Variants in MINDY2 observed in about 807,000 individuals in gnomAD.
MINDY2 encodes the protein ubiquitin carboxyl-terminal hydrolase MINDY-2.
A neutral mutation model predicts 68.2 loss-of-function variants in MINDY2; 52 were observed. The observed-to-expected ratio is 0.76, with a 90% CI of 0.61 to 0.96. MINDY2 has a LOEUF of 0.96. Among genes scored for constraint, MINDY2 ranks in the 40% least tolerant of loss-of-function variants. The pLI is 0.00. For synonymous variants in MINDY2, 372 were observed against 303.0 expected, an observed-to-expected ratio of 1.23 and a Z score of -2.36; for missense variants, 881 against 773.4, an observed-to-expected ratio of 1.14 and a Z score of -1.65.
chr15:58,833,574 C>G (rs568921515), intron 6 of MINDY2, among the ~76,000 whole-genome samples: 54 of 152,270 alleles, frequency 3.5e-4, no homozygotes, highest in Non-Finnish European at 2.9e-5. Flanking sequence ...CAGAGAAGGT[C>G]AGAAGGTAAA....
intron 4 of MINDY2, among the ~76,000 whole-genome samples, chr15:58,813,700 G>A (rs1845941904): frequency 1.3e-5 from 2 of 151,544 alleles, no homozygotes; most frequent in Non-Finnish European, 2.9e-5. Context: ...AGCCTCCCAA[G>A]TAGCTGGGAC....
chr15:58,814,055 G>A (rs1168007467), intron 4 of MINDY2, among the ~76,000 whole-genome samples: 3 of 147,916 alleles, frequency 2.0e-5, no homozygotes, highest in African/African-American at 7.5e-5. Context: ...CTCCTGCCTC[G>A]ACCTCCCGAG....
chr15:58,820,473 T>C (rs1350267269), intron 4 of MINDY2, among the ~76,000 whole-genome samples: 2 of 152,110 alleles, frequency 1.3e-5, no homozygotes, highest in African/African-American at 4.8e-5. Context: ...TTAAGATATT[T>C]ATGCCTGTAA....
At chr15:58,844,657 C>T (rs1306992637) in intron 6 of MINDY2, among the ~76,000 whole-genome samples, 1 of 151,220 alleles carries the variant, frequency 6.6e-6, no homozygotes. Flanking sequence ...GTGGCTCATA[C>T]CTGTAATCCC....
At chr15:58,811,371 T>G (rs2030233495) in intron 4 of MINDY2, among the ~76,000 whole-genome samples, 1 of 152,242 alleles carries the variant, frequency 6.6e-6, no homozygotes. Context: ...ATCAGGGTCC[T>G]GGCAGGAAGT....
At chr15:58,777,692 A>T (rs908696437) in intron 1 of MINDY2, among the ~76,000 whole-genome samples, 8 of 152,182 alleles carry the variant, frequency 5.3e-5, no homozygotes, top group African/African-American at 1.9e-4. Context: ...ACATCAAGAA[A>T]GACATCTATT....
Position 58,856,622 on chromosome 15 carries a change from G to C in MINDY2, c.*2012G>C, listed in dbSNP as rs11629758. ...TATGTATACGTTAGTAAAATAACCA[G>C]ATATACTACAGAACTCTCTATTGGC... is the stretch of plus-strand genomic sequence containing the variant. On this transcript the variant is annotated 3_prime_UTR_variant, in exon 9 of 9. Transcript: ENST00000559228. The C allele has an allele frequency of 2.0e-5, 3 of 152,122 alleles. No individual in the cohort carries two copies. The highest frequency in any genetic ancestry group is 2.9e-5 in the Non-Finnish European group (2 of 68,022). The allele number at this position is 152,122 out of a possible 1,614,324, so 9.4% of individuals were successfully genotyped here.
chr15:58,813,304 G>A (rs1198677344), intron 4 of MINDY2, among the ~76,000 whole-genome samples: 1 of 152,166 alleles, frequency 6.6e-6, no homozygotes, highest in Non-Finnish European at 1.5e-5. Flanking sequence ...AGACCAGCCT[G>A]GCCAACATGG....
At chr15:58,796,703 C>T (rs993745186) in intron 2 of MINDY2, among the ~76,000 whole-genome samples, 119 of 152,138 alleles carry the variant, frequency 7.8e-4, no homozygotes, top group African/African-American at 2.7e-3. Context: ...TTGTATTTTT[C>T]GTAGAGATGG....
chr15:58,800,569 T>C (rs570131446), intron 2 of MINDY2, among the ~76,000 whole-genome samples: 1 of 152,188 alleles, frequency 6.6e-6, no homozygotes, highest in African/African-American at 2.4e-5. Flanking sequence ...TGATCTTTCT[T>C]ATATGTGCTT....
intron 3 of MINDY2, among the ~76,000 whole-genome samples, chr15:58,808,771 A>G (rs566485122): frequency 1.0e-3 from 156 of 151,798 alleles, no homozygotes; most frequent in Non-Finnish European, 2.0e-3. Context: ...TGCCCGACTA[A>G]TTTTTTGTAT....
At chr15:58,806,422 A>G (rs1351072705) in intron 3 of MINDY2, among the ~76,000 whole-genome samples, 3 of 140,248 alleles carry the variant, frequency 2.1e-5, no homozygotes, top group South Asian at 2.2e-4. Context: ...CCGTGGTGCT[A>G]TCGTGGCTCA....
At chr15:58,806,001 G>A (rs1176724333) in intron 3 of MINDY2, among the ~76,000 whole-genome samples, 2 of 152,214 alleles carry the variant, frequency 1.3e-5, no homozygotes, top group Non-Finnish European at 2.9e-5. Flanking sequence ...TTGAACCCAG[G>A]AGGTGGAGGT....
chr15:58,814,139 C>T (rs1196054484), intron 4 of MINDY2, among the ~76,000 whole-genome samples: 1 of 151,828 alleles, frequency 6.6e-6, no homozygotes, highest in Non-Finnish European at 1.5e-5. Flanking sequence ...AGGGTTTCAC[C>T]ATGTTAATCA....
At chr15:58,821,988 G>A (rs993661390) in intron 5 of MINDY2, among the ~76,000 whole-genome samples, 169 bp downstream of exon 5, 1 of 152,042 alleles carries the variant, frequency 6.6e-6, no homozygotes, top group Non-Finnish European at 1.5e-5. Context: ...AGTGGCTCCC[G>A]CCTGTAATCC....
chr15:58,831,514 A>G (rs913126068), intron 5 of MINDY2, among the ~76,000 whole-genome samples: 1 of 151,878 alleles, frequency 6.6e-6, no homozygotes. Flanking sequence ...CCTTTGTAAT[A>G]GTAGGTGAAG....
chr15:58,795,131 G>A (rs1417566133), intron 2 of MINDY2, among the ~76,000 whole-genome samples: 1 of 151,698 alleles, frequency 6.6e-6, no homozygotes, highest in Non-Finnish European at 1.5e-5. Flanking sequence ...TACCGAGATC[G>A]CGCTACTGCA....
chr15:58,780,750 C>CTAAGGTGAA (rs759737011), intron 1 of MINDY2, among the ~76,000 whole-genome samples: 21 of 152,238 alleles, frequency 1.4e-4, no homozygotes, highest in Non-Finnish European at 2.6e-4. Context: ...CTTTGGGGCA[C>CTAAGGTGAA]TAAGGTGAAT....
At chr15:58,798,458 A>G (rs1358698228) in intron 2 of MINDY2, among the ~76,000 whole-genome samples, 1 of 143,966 alleles carries the variant, frequency 6.9e-6, no homozygotes, top group Non-Finnish European at 1.5e-5. Flanking sequence ...GTAAAAAAAA[A>G]TTTTTTTTTT....
Sources: gnomAD v4.1 joint callset for allele counts (sites outside exome capture counted in the v4.1 genomes callset) on GRCh38, gnomAD v4.1.1 for gene constraint, MANE v1.5 for transcripts, NCBI Gene and HGNC (gene_info 2026-07-23, HGNC 2026-07-21) for gene names.